RASAL2: variants seen among roughly 807,000 people sequenced by gnomAD.
RASAL2 encodes RAS protein activator like 2.
A neutral mutation model predicts 128.9 loss-of-function variants in RASAL2; 58 were observed. That is an observed-to-expected ratio of 0.45 (90% CI 0.36 to 0.56). The LOEUF is 0.56. Among genes scored for constraint, RASAL2 ranks in the 20% least tolerant of loss-of-function variants. The pLI, the probability that RASAL2 is intolerant of heterozygous loss-of-function variation, is 0.00. For synonymous variants in RASAL2, 561 were observed against 580.8 expected (o/e 0.97, Z 0.49); for missense variants, 1,360 against 1,601.6 (o/e 0.85, Z 2.57).
intron 1 of RASAL2, among the ~76,000 whole-genome samples, chr1:178,212,515 G>A (rs1008489624): frequency 9.2e-5 from 14 of 151,914 alleles, no homozygotes; most frequent in Admixed American, 3.9e-4. Context: ...TTTTTGAGAC[G>A]GAGTCTCACT....
chr1:178,386,093 G>A (rs969745253), intron 3 of RASAL2, among the ~76,000 whole-genome samples: 2 of 152,134 alleles, frequency 1.3e-5, no homozygotes, highest in Non-Finnish European at 2.9e-5. Context: ...TACACTATTA[G>A]GTTCTAAGGC....
intron 1 of RASAL2, among the ~76,000 whole-genome samples, chr1:178,218,408 C>T (rs773616940): frequency 2.0e-5 from 3 of 152,038 alleles, no homozygotes; most frequent in Non-Finnish European, 4.4e-5. Flanking sequence ...AGTATGCGGC[C>T]AGGTGCAGTG....
rs377696817 is a variant in RASAL2, at chr1:178,094,575, C to G, written c.83C>G (p.Pro28Arg). Residue 28 changes from proline (P) to arginine (R), a missense_variant, in exon 1 of 18, where the codon CCG becomes CGG. Pro to Arg is a moderately radical substitution (Grantham distance 103). This residue lies in a region of RASAL2 where 617 missense variants were observed against 714.2 expected (regional missense o/e 0.86). Transcript: ENST00000367649. The part of the protein sequence containing the change: ...EMFPALESDS[P>R]LPPEDLDAVV... ...TTCCCGGCGCTGGAGTCCGACTCGC[C>G]GCTGCCCCCGGAGGACCTGGACGCG... 5 of 1,604,484 alleles carry G rather than the reference C, an allele frequency of 3.1e-6. No individual in the cohort carries two copies. The highest frequency in any genetic ancestry group is 1.1e-5 in the South Asian group (1 of 89,556).
intron 1 of RASAL2, among the ~76,000 whole-genome samples, chr1:178,272,274 T>C (rs1666296680): frequency 6.6e-6 from 1 of 152,168 alleles, no homozygotes; most frequent in Admixed American, 6.5e-5. Context: ...ATTGATATGC[T>C]AGAAAAAAAT....
chr1:178,343,277 A>G lies in RASAL2; in HGVS notation c.457+43159A>G, dbSNP rs150893127. The stretch of plus-strand genomic sequence containing the variant: ...AATAGTTTCATTACTCCTCTCGGCT[A>G]TATCGGAAACCAAATTACCAAGTGA... On this transcript the variant is annotated intron_variant, in intron 3 of 17. Transcript: ENST00000367649. Among the ~76,000 whole-genome samples the G allele has an allele frequency of 1.5e-3, 231 of 152,326 alleles. 1 individual carries two copies. The highest frequency in any genetic ancestry group is 5.6e-3 in the South Asian group (27 of 4,822).
chr1:178,283,014 T>C (rs1168431104), intron 1 of RASAL2, among the ~76,000 whole-genome samples: 2 of 152,200 alleles, frequency 1.3e-5, no homozygotes, highest in Non-Finnish European at 2.9e-5. Flanking sequence ...TTAGATATTT[T>C]CTTAAGAAAA....
intron 3 of RASAL2, chr1:178,341,685 A>G: frequency 1.9e-6 from 3 of 1,590,942 alleles, no homozygotes; most frequent in Non-Finnish European, 2.6e-6. Context: ...AAAATTACAC[A>G]AATGCAGTGA....
Position 178,473,430 on chromosome 1 carries a change from C to T in RASAL2, c.*191C>T. 3.1e-6 allele frequency: 2 copies of T among 645,742 alleles called. No homozygotes were observed. Among genetic ancestry groups the T allele is most frequent in the Non-Finnish European group, 5.3e-6 (2 of 379,578 alleles). The allele number at this position is 645,742 out of a possible 1,614,324, so 40.0% of individuals were successfully genotyped here. A position where few individuals can be genotyped will look rare whatever the true frequency, so the allele number is the denominator to read the frequency against. The stretch of plus-strand genomic sequence containing the variant: ...GCGACTTCCAAGGTCAATGCTTTTC[C>T]CCCACATCTCTATGTACATAGGGAA... On this transcript the variant is annotated 3_prime_UTR_variant, in exon 18 of 18. Transcript: ENST00000367649.
In RASAL2 at chr1:178,473,189, A is replaced by G. The variant is rs752052885; in HGVS notation, c.3793A>G (p.Thr1265Ala). The G allele has an allele frequency of 5.5e-5, 89 of 1,613,944 alleles. No homozygotes were observed. Among genetic ancestry groups the G allele is most frequent in the South Asian group, 8.8e-5 (8 of 91,072 alleles). ...CAATGGCATCTCCCCCACCAACCCC[A>G]CCAAGCTTTCCATCACGGAGAATGG... ...VRNGISPTNP[T>A]KLSITENGEF... Residue 1265 changes from threonine to alanine, a missense_variant, in exon 18 of 18, where the codon ACC becomes GCC. Thr to Ala is a moderately conservative substitution (Grantham distance 58). Transcript: ENST00000367649.
rs557961464 is a variant in RASAL2 at position 178,254,708 on chromosome 1, A to G, written c.203-28856A>G. 3.3e-5 allele frequency among the ~76,000 whole-genome samples: 5 copies of G among 152,316 alleles called. No individual in the cohort carries two copies. In the South Asian group the frequency reaches 1.0e-3, roughly 32 times the overall value. ...CTCCTTGTTGGAATTCTTTCTTCTC[A>G]GGAATACAGAAGGAGAGGAGAGAGA... On this transcript the variant is annotated intron_variant, in intron 1 of 17. Transcript: ENST00000367649.
chr1:178,155,434 A>G (rs905513973), intron 1 of RASAL2, among the ~76,000 whole-genome samples: 20 of 150,556 alleles, frequency 1.3e-4, no homozygotes, highest in African/African-American at 4.4e-4. Context: ...CCTGAAGAAC[A>G]TAGCTCACTC....
chr1:178,407,397 G>A (rs1367213875), intron 4 of RASAL2, among the ~76,000 whole-genome samples: 1 of 152,126 alleles, frequency 6.6e-6, no homozygotes, highest in African/African-American at 2.4e-5. Flanking sequence ...AAGTTATATT[G>A]AGAGCAAGGA....
At chr1:178,381,209 C>T (rs930976312) in intron 3 of RASAL2, among the ~76,000 whole-genome samples, 1 of 151,970 alleles carries the variant, frequency 6.6e-6, no homozygotes. Flanking sequence ...AAATTTCATC[C>T]AGAAAGTAAT....
In RASAL2 at chr1:178,239,243, TA is replaced by T. The variant is rs373827720; in HGVS notation, c.203-44318del. Among the ~76,000 whole-genome samples the T allele has an allele frequency of 4.0e-4, 61 of 151,994 alleles. No homozygotes were observed. The South Asian group carries it at 0.013, about 32-fold the overall frequency. On this transcript the variant is annotated intron_variant, in intron 1 of 17. Transcript: ENST00000367649. Reference sequence around the variant, plus strand: ...TATATAACCATAACCTTGGTCAAACTAAAGAGTATTTTGAAAGCTATGTGTG... The same window carrying T: ...TATATAACCATAACCTTGGTCAAACTAAGAGTATTTTGAAAGCTATGTGTG...
At chr1:178,346,129 A>G (rs1200720429) in intron 3 of RASAL2, among the ~76,000 whole-genome samples, 2 of 152,144 alleles carry the variant, frequency 1.3e-5, no homozygotes, top group Non-Finnish European at 2.9e-5. Context: ...ATAGTTTGCC[A>G]CATCAGCCAG....
intron 3 of RASAL2, among the ~76,000 whole-genome samples, chr1:178,353,443 A>G (rs184081449): frequency 1.5e-3 from 231 of 152,266 alleles, no homozygotes; most frequent in African/African-American, 5.4e-3. Context: ...GTACCCAATA[A>G]GTTCCTCATC....
At chr1:178,440,521 G>A (rs543577733) in intron 6 of RASAL2, among the ~76,000 whole-genome samples, 1 of 152,258 alleles carries the variant, frequency 6.6e-6, no homozygotes, top group East Asian at 1.9e-4. Flanking sequence ...AGTAGCTGCT[G>A]TATTGGACAG....
chr1:178,255,608 C>A (rs534118004), intron 1 of RASAL2, among the ~76,000 whole-genome samples: 1 of 152,062 alleles, frequency 6.6e-6, no homozygotes, highest in South Asian at 2.1e-4. Context: ...CTATATCCCA[C>A]TGCAATTAAA....
At chr1:178,100,051 A>G (rs532425853) in intron 1 of RASAL2, among the ~76,000 whole-genome samples, 31 of 152,300 alleles carry the variant, frequency 2.0e-4, no homozygotes, top group Admixed American at 9.1e-4. Flanking sequence ...AAAGTTGCAT[A>G]CAGTCTTTTG....
Sources: allele counts gnomAD v4.1 joint callset (sites outside exome capture counted in the v4.1 genomes callset), GRCh38; gene constraint gnomAD v4.1.1; regional missense constraint gnomAD v4.1.1; transcripts MANE v1.5; gene names NCBI Gene and HGNC (gene_info 2026-07-23, HGNC 2026-07-21).